The following GNAS variants were observed in gnomAD, a reference collection of about 807,000 sequenced individuals.
GNAS encodes the protein protein ALEX.
A neutral mutation model predicts 54.5 loss-of-function variants in GNAS; 8 were observed. The ratio of observed to expected loss-of-function variants is 0.15; its 90% CI spans 0.09 to 0.26. The LOEUF (loss-of-function observed/expected upper bound fraction) is 0.26, where lower values mean the gene tolerates loss of function less well. GNAS is among the 10% of genes least tolerant of loss of function. The probability of loss-of-function intolerance (pLI) is 1.00; values close to 1 mark genes in which losing one functional copy is unlikely to be tolerated. For missense variants in GNAS, 170 were observed against 529.8 expected (o/e 0.32, Z 6.67); for synonymous variants, 204 against 191.4 (o/e 1.07, Z -0.54).
chr20:58,910,212 C>A lies in GNAS; in HGVS notation c.971-122C>A. On this transcript the variant is annotated intron_variant, in intron 11 of 12. Transcript: ENST00000371085. This position sits in a 1 kb window ranked among gnomAD's most constrained non-coding sequence, Gnocchi z 5.8. ...CTATAAGAGAAGCAAGAAAAACGCA[C>A]TCCCACTAATTCTCATATGGAAAAA... is the stretch of plus-strand genomic sequence containing the variant. The A allele has an allele frequency of 1.6e-6, 2 of 1,265,786 alleles. No homozygotes were observed. The highest frequency in any genetic ancestry group is 2.3e-6 in the Non-Finnish European group (2 of 862,372). The allele number at this position is 1,265,786 out of a possible 1,614,324, so 78.4% of individuals were successfully genotyped here.
In GNAS at chr20:58,910,210, C is replaced by T. The variant is rs1205158351; in HGVS notation, c.971-124C>T. The T allele has an allele frequency of 1.2e-5, 15 of 1,268,788 alleles. No homozygotes were observed. The highest frequency in any genetic ancestry group is 1.6e-5 in the Non-Finnish European group (14 of 865,232). 78.6% of individuals were successfully genotyped at this position (1,268,788 alleles called of 1,614,324 possible). ...ATCTATAAGAGAAGCAAGAAAAACG[C>T]ACTCCCACTAATTCTCATATGGAAA... On this transcript the variant is annotated intron_variant, in intron 11 of 12. Transcript: ENST00000371085. The surrounding 1 kb of genome is among the most constrained non-coding windows in gnomAD (Gnocchi z 5.8).
upstream of GNAS, chr20:58,889,284 T>C: frequency 1.0e-6 from 1 of 998,696 alleles, no homozygotes. Flanking sequence ...AGCGAGCCCC[T>C]GTCCCGGCGC....
rs530338342 is a variant in GNAS at position 58,908,962 on chromosome 20, C to T, written c.531-200C>T. ...ATTCCTAAAATTATTTATCTTAAATCCTGTTTGCCCTAACCTTCTTAAGGC... is the reference window on the plus strand; with the variant it reads ...ATTCCTAAAATTATTTATCTTAAATTCTGTTTGCCCTAACCTTCTTAAGGC... On this transcript the variant is annotated intron_variant, in intron 6 of 12. Transcript: ENST00000371085. The T allele has an allele frequency of 8.3e-6, 6 of 725,632 alleles. No individual in the cohort carries two copies. The African/African-American group carries it at 1.0e-4, about 12-fold the overall frequency. 44.9% of individuals were successfully genotyped at this position (725,632 alleles called of 1,614,324 possible). A position where few individuals can be genotyped will look rare whatever the true frequency, so the allele number is the denominator to read the frequency against.
At chr20:58,888,979 C>T (rs967078634), upstream of GNAS, 4 of 773,820 alleles carry the variant, frequency 5.2e-6, no homozygotes, top group South Asian at 5.7e-5. Flanking sequence ...GGCCCCCGCG[C>T]CCCCGGCCCA....
intron 1 of GNAS, chr20:58,895,380 C>A: frequency 3.8e-6 from 2 of 528,760 alleles, no homozygotes; most frequent in Non-Finnish European, 6.8e-6. Context: ...ACCAGCAAAC[C>A]TTAAATTCTT....
At chr20:58,883,718 A>G (rs536219543) in intron 1 of GNAS, among the ~76,000 whole-genome samples, 2 of 152,178 alleles carry the variant, frequency 1.3e-5, no homozygotes, top group East Asian at 3.9e-4. Context: ...TCCCCAGCAA[A>G]TGCTGAATTT....
At chr20:58,865,446 T>A (rs1336614550) in intron 1 of GNAS, among the ~76,000 whole-genome samples, 1 of 147,812 alleles carries the variant, frequency 6.8e-6, no homozygotes, top group Non-Finnish European at 1.5e-5. Context: ...ACATATATTT[T>A]ATATTATATA....
chr20:58,903,449 T>C lies in GNAS; in HGVS notation c.258-82T>C, dbSNP rs1484183563. The C allele has an allele frequency of 3.5e-6, 4 of 1,130,814 alleles. No homozygotes were observed. The Admixed American group carries it at 7.0e-5, about 20-fold the overall frequency. 70.0% of individuals were successfully genotyped at this position (1,130,814 alleles called of 1,614,324 possible). Reference sequence around the variant, plus strand: ...CTGAAGAACAGAATACTATGCTTTTTAGTCGGGATGTCTTTATGAAAGCAG... The same window carrying C: ...CTGAAGAACAGAATACTATGCTTTTCAGTCGGGATGTCTTTATGAAAGCAG... On this transcript the variant is annotated intron_variant, in intron 3 of 12. Transcript: ENST00000371085.
At chr20:58,894,186 T>C (rs1401126048) in intron 1 of GNAS, among the ~76,000 whole-genome samples, 2 of 152,236 alleles carry the variant, frequency 1.3e-5, no homozygotes, top group Admixed American at 1.3e-4. Flanking sequence ...ATTTCATAAA[T>C]GTGGAAACTG....
chr20:58,855,458 G>A, intron 1 of GNAS: 1 of 896,024 alleles, frequency 1.1e-6, no homozygotes, highest in Non-Finnish European at 1.8e-6. Context: ...AAGGCGGGAA[G>A]AACTTGCTAG....
At chr20:58,903,086 C>T in intron 3 of GNAS, 1 of 335,308 alleles carries the variant, frequency 3.0e-6, no homozygotes, top group South Asian at 2.5e-5. Flanking sequence ...CTGGTTCTCT[C>T]AGTATGCTAG....
intron 2 of GNAS, among the ~76,000 whole-genome samples, chr20:58,897,053 A>G (rs991231074): frequency 6.6e-6 from 1 of 152,234 alleles, no homozygotes; most frequent in Non-Finnish European, 1.5e-5. Flanking sequence ...CCATACGAAT[A>G]GTCCTGTTAG....
chr20:58,878,365 C>T (rs2087976958), intron 1 of GNAS, among the ~76,000 whole-genome samples: 2 of 152,254 alleles, frequency 1.3e-5, no homozygotes, highest in Admixed American at 1.3e-4. Flanking sequence ...AGAGACACTT[C>T]TAATTTGATG....
chr20:58,854,130 G>A (rs1385559556), intron 1 of GNAS: 4 of 1,612,322 alleles, frequency 2.5e-6, no homozygotes, highest in Admixed American at 1.7e-5. Flanking sequence ...CCAAGAGGCT[G>A]TCAGACCTCC....
intron 3 of GNAS, among the ~76,000 whole-genome samples, chr20:58,901,055 G>C (rs1601091186): frequency 6.6e-6 from 1 of 152,118 alleles, no homozygotes; most frequent in African/African-American, 2.4e-5. Flanking sequence ...ACTTTCTCTT[G>C]CTGTATGCAG....
chr20:58,895,844 C>A (rs2089993534), intron 2 of GNAS, among the ~76,000 whole-genome samples, 160 bp downstream of exon 2: 1 of 152,054 alleles, frequency 6.6e-6, no homozygotes, highest in African/African-American at 2.4e-5. Flanking sequence ...TCTTTAGGGT[C>A]CCTCACCCCC....
At chr20:58,895,358 A>G (rs1401076968) in intron 1 of GNAS, 4 of 489,294 alleles carry the variant, frequency 8.2e-6, no homozygotes, top group Non-Finnish European at 1.5e-5. Context: ...AACAATCAAA[A>G]GAAAAATTAA....
At chr20:58,855,839 G>GA in intron 1 of GNAS, 1 of 589,796 alleles carries the variant, frequency 1.7e-6, no homozygotes, top group Non-Finnish European at 3.0e-6. Flanking sequence ...ATGATACGCT[G>GA]AAGTGTCCCC....
Position 58,902,725 on chromosome 20 carries a change from CTTT to C in GNAS, c.258-780_258-778del, listed in dbSNP as rs60022134. Among the ~76,000 whole-genome samples the C allele has an allele frequency of 7.9e-3, 546 of 69,400 alleles. 3 individuals are homozygous for C. Among genetic ancestry groups the C allele is most frequent in the Middle Eastern group, 0.017 (1 of 58 alleles). The allele number at this position is 69,400 out of a possible 152,430, so 45.5% of individuals were successfully genotyped here. On this transcript the variant is annotated intron_variant, in intron 3 of 12. Coordinates refer to ENST00000371085, the MANE Select transcript of GNAS (RefSeq NM_000516.7). ...AGTGCCTGGAGCATCGCACATACGA[CTTT>C]TTTTTTTTTTTTTTTTTTTTTTTTT...
Sources: gnomAD v4.1 joint callset for allele counts (sites outside exome capture counted in the v4.1 genomes callset) on GRCh38, gnomAD v4.1.1 for gene constraint, Gnocchi (gnomAD v3.1) non-coding constraint, MANE v1.5 for transcripts, NCBI Gene and HGNC (gene_info 2026-07-23, HGNC 2026-07-21) for gene names.